PSD3: variants seen among roughly 807,000 people sequenced by gnomAD.
PSD3 encodes pleckstrin and Sec7 domain containing 3, also known as PH and SEC7 domain-containing protein 3.
PSD3 carries 49 observed loss-of-function variants against 105.5 expected under a neutral mutation model. That is an observed-to-expected ratio of 0.46 (90% CI 0.37 to 0.59). The LOEUF is 0.59. PSD3 is among the 20% of genes least tolerant of loss of function. The probability of loss-of-function intolerance (pLI) is 0.00; values close to 1 mark genes in which losing one functional copy is unlikely to be tolerated. For missense variants in PSD3, 1,561 were observed against 1,263.8 expected, an observed-to-expected ratio of 1.24 and a Z score of -3.57; for synonymous variants, 557 against 457.8, an observed-to-expected ratio of 1.22 and a Z score of -2.77.
At chr8:18,786,129 G>C (rs547343431) in intron 8 of PSD3, among the ~76,000 whole-genome samples, 29 of 152,234 alleles carry the variant, frequency 1.9e-4, no homozygotes, top group South Asian at 4.2e-4. Context: ...ACGTGAACCC[G>C]GGAGGTGGAG....
At chr8:18,956,612 T>C (rs1823588510) in intron 1 of PSD3, among the ~76,000 whole-genome samples, 1 of 152,222 alleles carries the variant, frequency 6.6e-6, no homozygotes, top group African/African-American at 2.4e-5. Context: ...TTTATATACA[T>C]TACCAACCGA....
intron 2 of PSD3, among the ~76,000 whole-genome samples, chr8:18,927,168 T>A (rs540072267): frequency 1.3e-5 from 2 of 152,228 alleles, no homozygotes; most frequent in East Asian, 1.9e-4. Context: ...AGAACCTCCA[T>A]GTGTTCAGCT....
At chr8:18,621,834 A>G (rs1332157922) in intron 11 of PSD3, among the ~76,000 whole-genome samples, 3 of 152,204 alleles carry the variant, frequency 2.0e-5, no homozygotes, top group African/African-American at 7.2e-5. Context: ...GTCTTTTGGG[A>G]AAAAAAATTC....
intron 10 of PSD3, among the ~76,000 whole-genome samples, chr8:18,652,682 G>C (rs906230981): frequency 2.6e-5 from 4 of 151,770 alleles, no homozygotes; most frequent in African/African-American, 7.3e-5. Context: ...ATTTTTAGTA[G>C]AGATGAGGTT....
At chr8:18,916,010 C>T (rs141082913) in intron 2 of PSD3, among the ~76,000 whole-genome samples, 12 of 151,980 alleles carry the variant, frequency 7.9e-5, no homozygotes, top group African/African-American at 2.9e-4. Flanking sequence ...GCAGGAGAAT[C>T]GCTTGAACCC....
chr8:18,767,452 C>T (rs1196645134), intron 8 of PSD3, among the ~76,000 whole-genome samples: 1 of 152,080 alleles, frequency 6.6e-6, no homozygotes, highest in Non-Finnish European at 1.5e-5. Flanking sequence ...GTACCAACAT[C>T]GTAATATACC....
chr8:18,675,557 A>G (rs1359667142), intron 9 of PSD3, among the ~76,000 whole-genome samples: 6 of 152,154 alleles, frequency 3.9e-5, no homozygotes, highest in African/African-American at 1.4e-4. Context: ...CTAGGACTAG[A>G]GCCTCAGCCA....
At chr8:18,957,679 A>G (rs894720266) in intron 1 of PSD3, among the ~76,000 whole-genome samples, 2 of 152,204 alleles carry the variant, frequency 1.3e-5, no homozygotes, top group Admixed American at 1.3e-4. Context: ...ATGTCTGGGC[A>G]TTTTGCCAAC....
intron 4 of PSD3, among the ~76,000 whole-genome samples, chr8:18,810,150 T>G (rs1315914147): frequency 2.0e-5 from 3 of 152,222 alleles, no homozygotes; most frequent in African/African-American, 7.2e-5. Context: ...AGCCCTACCA[T>G]GCCAAATTCT....
intron 2 of PSD3, among the ~76,000 whole-genome samples, chr8:18,896,691 G>A (rs1819171855): frequency 1.3e-5 from 2 of 152,098 alleles, no homozygotes; most frequent in Admixed American, 6.6e-5. Context: ...GGAATTACAG[G>A]CGTGCACCAC....
intron 9 of PSD3, among the ~76,000 whole-genome samples, chr8:18,727,125 C>G (rs1273307789): frequency 6.6e-6 from 1 of 152,028 alleles, no homozygotes; most frequent in African/African-American, 2.4e-5. Flanking sequence ...ACCATGAGGA[C>G]AGGTATTCAA....
intron 1 of PSD3, chr8:19,084,193 T>C (rs1459235536): frequency 6.8e-6 from 3 of 443,078 alleles, no homozygotes; most frequent in African/African-American, 4.0e-5. Flanking sequence ...ATTCAGGACA[T>C]GCGAGTTCTT....
chr8:18,880,204 A>T lies in PSD3; in HGVS notation c.131-7471T>A, dbSNP rs180876227. 7.9e-4 allele frequency among the ~76,000 whole-genome samples: 120 copies of T among 152,230 alleles called. 1 individual carries two copies. The highest frequency in any genetic ancestry group is 2.6e-3 in the African/African-American group (109 of 41,528). On this transcript the variant is annotated intron_variant, in intron 2 of 15. Coordinates refer to ENST00000327040, the MANE Select transcript of PSD3 (RefSeq NM_015310.4). ...TATATGCTAAGATAATTATTTTTTT[A>T]AAAAAAGACCAAATTATTGTTTTAA...
intron 4 of PSD3, among the ~76,000 whole-genome samples, chr8:18,859,357 A>G (rs1273733598): frequency 6.6e-6 from 1 of 151,716 alleles, no homozygotes; most frequent in African/African-American, 2.4e-5. Context: ...GGCAGAGTAG[A>G]TTTAAGGATA....
chr8:18,827,743 G>C (rs1563319161), intron 4 of PSD3, among the ~76,000 whole-genome samples: 1 of 151,798 alleles, frequency 6.6e-6, no homozygotes, highest in Non-Finnish European at 1.5e-5. Context: ...GGATGGAGCA[G>C]GATTGTGAGT....
At chr8:18,850,227 T>C (rs987166447) in intron 4 of PSD3, among the ~76,000 whole-genome samples, 9 of 152,224 alleles carry the variant, frequency 5.9e-5, no homozygotes, top group African/African-American at 1.9e-4. Context: ...GCCCCTCCCC[T>C]GTCCCAAAGG....
intron 9 of PSD3, among the ~76,000 whole-genome samples, chr8:18,736,968 G>A (rs183616461): frequency 3.9e-4 from 59 of 152,280 alleles, no homozygotes; most frequent in Admixed American, 3.8e-3. Context: ...TGCTGAGTGT[G>A]AGCCTGGACT....
chr8:18,935,891 T>C (rs1822092748), intron 2 of PSD3, 143 bp downstream of exon 2: 1 of 572,550 alleles, frequency 1.7e-6, no homozygotes, highest in East Asian at 2.6e-5. Context: ...ATTCTACATC[T>C]TGGGAAGATT....
At chr8:19,076,998 T>C (rs535814379) in intron 1 of PSD3, among the ~76,000 whole-genome samples, 1 of 152,330 alleles carries the variant, frequency 6.6e-6, no homozygotes, top group South Asian at 2.1e-4. Context: ...ATTTTCCTAG[T>C]CTTGATTGTT....
Sources: gnomAD v4.1 joint callset for allele counts (sites outside exome capture counted in the v4.1 genomes callset) on GRCh38, gnomAD v4.1.1 for gene constraint, MANE v1.5 for transcripts, NCBI Gene and HGNC (gene_info 2026-07-23, HGNC 2026-07-21) for gene names.